Variants in PTPRT observed in about 807,000 individuals in gnomAD.
The protein encoded by PTPRT is receptor-type tyrosine-protein phosphatase T.
PTPRT carries 56 observed loss-of-function variants against 176.8 expected under a neutral mutation model. The observed-to-expected ratio is 0.32, with a 90% CI of 0.26 to 0.40. The LOEUF is 0.40. PTPRT is among the 10% of genes least tolerant of loss of function. The probability of loss-of-function intolerance (pLI) is 1.00; values close to 1 mark genes in which losing one functional copy is unlikely to be tolerated. For missense variants in PTPRT, 1,540 were observed against 1,908.2 expected (o/e 0.81, Z 3.60); for synonymous variants, 783 against 739.0 (o/e 1.06, Z -0.96).
At chr20:42,954,665 G>T (rs1981505819) in intron 1 of PTPRT, among the ~76,000 whole-genome samples, 1 of 152,134 alleles carries the variant, frequency 6.6e-6, no homozygotes, top group African/African-American at 2.4e-5. Context: ...GTGGGGAGGG[G>T]AGGAAGAAAG....
intron 7 of PTPRT, among the ~76,000 whole-genome samples, chr20:42,673,638 G>C (rs536855530): frequency 6.6e-6 from 1 of 152,240 alleles, no homozygotes; most frequent in Admixed American, 6.5e-5. Flanking sequence ...ACATGAAGGA[G>C]CATTTTGGGG....
intron 1 of PTPRT, among the ~76,000 whole-genome samples, chr20:43,122,765 C>T (rs377531827): frequency 1.3e-5 from 2 of 152,184 alleles, no homozygotes; most frequent in Non-Finnish European, 1.5e-5. Flanking sequence ...TGGCACCATG[C>T]TTCCTGTACA....
At chr20:42,551,505 T>A (rs940111317) in intron 7 of PTPRT, among the ~76,000 whole-genome samples, 1 of 152,106 alleles carries the variant, frequency 6.6e-6, no homozygotes, top group African/African-American at 2.4e-5. Flanking sequence ...TAAACAGAGA[T>A]TTTTTTTGTT....
intron 12 of PTPRT, among the ~76,000 whole-genome samples, chr20:42,286,197 C>T (rs996679635): frequency 6.6e-6 from 1 of 151,798 alleles, no homozygotes; most frequent in Non-Finnish European, 1.5e-5. Flanking sequence ...TATCAAAATA[C>T]CAATGGCATT....
chr20:43,101,914 T>C (rs1282057652), intron 1 of PTPRT, among the ~76,000 whole-genome samples: 1 of 152,218 alleles, frequency 6.6e-6, no homozygotes, highest in Non-Finnish European at 1.5e-5. Flanking sequence ...GGATAATTTA[T>C]ACACAACAGA....
rs572112446 is a variant in PTPRT, at chr20:42,387,115, C to T, written c.1561-34830G>A. Among the ~76,000 whole-genome samples the T allele has an allele frequency of 3.2e-3, 486 of 152,272 alleles. 6 individuals carry two copies. Among genetic ancestry groups the T allele is most frequent in the East Asian group, 1.5e-3 (8 of 5,176 alleles). On this transcript the variant is annotated intron_variant, in intron 9 of 30. Coordinates refer to ENST00000373187, the MANE Select transcript of PTPRT (RefSeq NM_007050.6). Reference sequence around the variant, plus strand: ...TAAGGCAAGTCTTAGTGGAAATGATCTGACTTTATACCAAGCCTGGTTATA... The same window carrying T: ...TAAGGCAAGTCTTAGTGGAAATGATTTGACTTTATACCAAGCCTGGTTATA...
chr20:42,741,986 C>G (rs2076617870), intron 6 of PTPRT, among the ~76,000 whole-genome samples: 1 of 152,146 alleles, frequency 6.6e-6, no homozygotes, highest in Non-Finnish European at 1.5e-5. Context: ...ACTTAATTAA[C>G]TATATTACCC....
At chr20:42,966,788 G>T (rs968692916) in intron 1 of PTPRT, among the ~76,000 whole-genome samples, 6 of 152,198 alleles carry the variant, frequency 3.9e-5, no homozygotes, top group African/African-American at 1.4e-4. Context: ...TGATCATCAG[G>T]CAGAGAAAAG....
At chr20:42,324,444 G>T (rs1026108376) in intron 11 of PTPRT, among the ~76,000 whole-genome samples, 2 of 152,146 alleles carry the variant, frequency 1.3e-5, no homozygotes, top group Admixed American at 1.3e-4. Flanking sequence ...TGGGACTGTG[G>T]TGATAGTTGC....
chr20:42,656,876 C>T (rs1012165883), intron 7 of PTPRT, among the ~76,000 whole-genome samples: 17 of 152,104 alleles, frequency 1.1e-4, no homozygotes, highest in Admixed American at 1.0e-3. Flanking sequence ...CTGGCTTTTG[C>T]CTGCTTATAT....
At chr20:43,069,894 T>C (rs908342357) in intron 1 of PTPRT, among the ~76,000 whole-genome samples, 1 of 152,164 alleles carries the variant, frequency 6.6e-6, no homozygotes, top group African/African-American at 2.4e-5. Flanking sequence ...AAAAGCATCC[T>C]ATTTTGCCAG....
chr20:42,743,103 T>C (rs544497035), intron 6 of PTPRT, among the ~76,000 whole-genome samples: 2 of 152,278 alleles, frequency 1.3e-5, no homozygotes, highest in South Asian at 4.2e-4. Context: ...TTTCCCTCAC[T>C]GAGAACAGAT....
chr20:42,581,172 C>T lies in PTPRT; in HGVS notation c.1153+96694G>A, dbSNP rs73278727. On this transcript the variant is annotated intron_variant, in intron 7 of 30. Coordinates refer to ENST00000373187, the MANE Select transcript of PTPRT (RefSeq NM_007050.6). The stretch of plus-strand genomic sequence containing the variant: ...AGTCTTCCCTCCTCCCTTCTTCCTC[C>T]ACCCTTCATGATCCACGCGACTAAA... Among the ~76,000 whole-genome samples, 1,483 of 152,280 alleles carry T rather than the reference C, an allele frequency of 9.7e-3. 24 individuals carry two copies. The highest frequency in any genetic ancestry group is 0.034 in the African/African-American group (1,430 of 41,572).
At chr20:42,641,659 G>A (rs1224941627) in intron 7 of PTPRT, among the ~76,000 whole-genome samples, 1 of 152,176 alleles carries the variant, frequency 6.6e-6, no homozygotes, top group Non-Finnish European at 1.5e-5. Context: ...AGTGGACCCA[G>A]AGAACTTGCA....
rs11472399 is a variant in PTPRT at position 42,220,052 on chromosome 20, T to TATATA, written c.2342+16176_2342+16177insTATAT. On this transcript the variant is annotated intron_variant, in intron 15 of 30. Transcript: ENST00000373187. ...TTTAAAAAAGTTATATATATATATA[T>TATATA]TTTTCAACATATAAAAATCGGTTTC... Among the ~76,000 whole-genome samples the TATATA allele has an allele frequency of 5.6e-4, 85 of 151,288 alleles. No homozygotes were observed. The East Asian group carries it at 6.4e-3, about 11-fold the overall frequency.
intron 17 of PTPRT, among the ~76,000 whole-genome samples, chr20:42,157,262 TG>T (rs1235380575): frequency 1.3e-5 from 2 of 152,192 alleles, no homozygotes; most frequent in African/African-American, 4.8e-5. Context: ...TTCATGTCCC[TG>T]GAACAAATCT....
chr20:42,706,374 A>G (rs977714535), intron 6 of PTPRT, among the ~76,000 whole-genome samples: 4 of 151,842 alleles, frequency 2.6e-5, no homozygotes, highest in Non-Finnish European at 5.9e-5. Flanking sequence ...AATTCCCTAC[A>G]TTAAATTCCT....
At chr20:43,030,935 A>T (rs1197740419) in intron 1 of PTPRT, among the ~76,000 whole-genome samples, 1 of 152,220 alleles carries the variant, frequency 6.6e-6, no homozygotes, top group Non-Finnish European at 1.5e-5. Flanking sequence ...AAGGAGGTTT[A>T]CTGAGGAGAG....
intron 14 of PTPRT, among the ~76,000 whole-genome samples, chr20:42,247,467 GT>G (rs1218165833): frequency 6.6e-6 from 1 of 151,422 alleles, no homozygotes; most frequent in African/African-American, 2.5e-5. Flanking sequence ...GGAATTAGTT[GT>G]TAGGGGTATT....
Sources: allele counts gnomAD v4.1 joint callset (sites outside exome capture counted in the v4.1 genomes callset), GRCh38; gene constraint gnomAD v4.1.1; transcripts MANE v1.5; gene names NCBI Gene and HGNC (gene_info 2026-07-23, HGNC 2026-07-21).